Variants in MMAA observed in about 807,000 individuals in gnomAD.
MMAA encodes methylmalonic aciduria type A protein, mitochondrial.
In MMAA, 41 loss-of-function variants were observed where a neutral mutation model predicts 45.0. That is an observed-to-expected ratio of 0.91 (90% CI 0.71 to 1.18). The LOEUF (loss-of-function observed/expected upper bound fraction) is 1.18. Among genes scored for constraint, MMAA ranks in the 50% most tolerant of loss-of-function variants. The pLI is 0.00. For synonymous variants in MMAA, 154 were observed against 178.2 expected, an observed-to-expected ratio of 0.86 and a Z score of 1.08; for missense variants, 460 against 495.7, an observed-to-expected ratio of 0.93 and a Z score of 0.68.
chr4:145,643,205 C>G (rs1406659703), intron 3 of MMAA, among the ~76,000 whole-genome samples: 1 of 152,192 alleles, frequency 6.6e-6, no homozygotes, highest in East Asian at 1.9e-4. Context: ...CCTTACCCCT[C>G]TTTATGATTT....
At position 145,655,410 on chromosome 4, in the gene MMAA, A is replaced by G; in HGVS notation, c.1233A>G (p.Leu411=). The change falls in exon 7 of 7, where the codon TTA becomes TTG. Residue 411 remains leucine (L), a synonymous_variant. Coordinates refer to ENST00000649156, the MANE Select transcript of MMAA (RefSeq NM_172250.3). ...CAGGACTAGCAGCAGACTTCTTGTT[A>G]AAAGCTTTTAAAAGCAGAGACTAAT... ...LSPGLAADFL[L]KAFKSRD is the part of the protein sequence containing the mutation. 3 of 1,611,544 alleles carry G rather than the reference A, an allele frequency of 1.9e-6. No homozygotes were observed. The highest frequency in any genetic ancestry group is 1.1e-5 in the South Asian group (1 of 90,126).
intron 2 of MMAA, among the ~76,000 whole-genome samples, chr4:145,641,104 T>C (rs970009439): frequency 6.6e-6 from 1 of 152,220 alleles, no homozygotes; most frequent in Non-Finnish European, 1.5e-5. Context: ...GACTTCTTAA[T>C]CTTCTGCCCT....
chr4:145,632,997 T>G (rs1727499195), intron 1 of MMAA, among the ~76,000 whole-genome samples: 1 of 151,836 alleles, frequency 6.6e-6, no homozygotes, highest in Non-Finnish European at 1.5e-5. Flanking sequence ...TCTGTATGCC[T>G]TGGCCTCCCA....
intron 1 of MMAA, among the ~76,000 whole-genome samples, chr4:145,621,150 A>G (rs1028476060): frequency 2.0e-5 from 3 of 152,220 alleles, no homozygotes; most frequent in Non-Finnish European, 2.9e-5. Flanking sequence ...ATACTCATTT[A>G]TACTCACCAT....
chr4:145,651,315 C>G lies in MMAA; in HGVS notation c.819+168C>G, dbSNP rs72723819. ...AAAGGCAGATTCTCTATATTTTTTC[C>G]TAACTTACAGGAATAGAATATGTGT... On this transcript the variant is annotated intron_variant, in intron 5 of 6. Transcript: ENST00000649156. Among the ~76,000 whole-genome samples, 11,570 of 152,112 alleles carry G rather than the reference C, an allele frequency of 0.076. 546 individuals carry two copies. Among genetic ancestry groups the G allele is most frequent in the South Asian group, 0.15 (736 of 4,822 alleles).
chr4:145,655,663 T>G lies in MMAA; in HGVS notation c.*229T>G. On this transcript the variant is annotated 3_prime_UTR_variant, in exon 7 of 7. Coordinates refer to ENST00000649156, the MANE Select transcript of MMAA (RefSeq NM_172250.3). ...TGATATCTGTTTCCTTCTCTTCTTA[T>G]ACCCTGGCATGGTGGCCTGTAGGGT... is the stretch of plus-strand genomic sequence containing the variant. 1 of 431,970 alleles carries G rather than the reference T, an allele frequency of 2.3e-6. No individual in the cohort carries two copies. The highest frequency in any genetic ancestry group is 2.0e-5 in the African/African-American group (1 of 49,450). The allele number at this position is 431,970 out of a possible 1,614,324, so 26.8% of individuals were successfully genotyped here.
At chr4:145,648,922 G>C (rs898773194) in intron 4 of MMAA, among the ~76,000 whole-genome samples, 2 of 152,110 alleles carry the variant, frequency 1.3e-5, no homozygotes, top group African/African-American at 4.8e-5. Context: ...GGGAGTCTGA[G>C]GCTGCAGTGA....
chr4:145,626,429 G>T (rs756896949), intron 1 of MMAA, among the ~76,000 whole-genome samples: 1 of 152,082 alleles, frequency 6.6e-6, no homozygotes, highest in Non-Finnish European at 1.5e-5. Context: ...ATTATTGTCC[G>T]TGGAGCAAAA....
At chr4:145,624,258 T>G in intron 1 of MMAA, 2 of 800,564 alleles carry the variant, frequency 2.5e-6, no homozygotes, top group Non-Finnish European at 4.6e-6. Flanking sequence ...CATAATGGTC[T>G]GGGGGGAAGT....
intron 4 of MMAA, among the ~76,000 whole-genome samples, chr4:145,649,836 A>G (rs1728040976): frequency 6.6e-6 from 1 of 151,918 alleles, no homozygotes; most frequent in African/African-American, 2.4e-5. Flanking sequence ...CAGCAGTACA[A>G]TCACAGCTCA....
chr4:145,651,510 A>G (rs1442945498), intron 5 of MMAA, among the ~76,000 whole-genome samples: 1 of 152,172 alleles, frequency 6.6e-6, no homozygotes, highest in African/African-American at 2.4e-5. Flanking sequence ...ATGTTGTACA[A>G]TGAGATTCTT....
intron 5 of MMAA, 53 bp from the exon 6 acceptor site, chr4:145,653,941 C>T (rs888972294): frequency 1.3e-6 from 2 of 1,578,478 alleles, no homozygotes; most frequent in African/African-American, 2.7e-5. Flanking sequence ...TGAGCATTGA[C>T]TAGTTTTCCC....
chr4:145,639,540 A>T lies in MMAA; in HGVS notation c.401A>T (p.Glu134Val). 1 of 1,611,356 alleles carries T rather than the reference A, an allele frequency of 6.2e-7. No individual in the cohort carries two copies. Among genetic ancestry groups the T allele is most frequent in the Non-Finnish European group, 8.5e-7 (1 of 1,178,484 alleles). Residue 134 changes from glutamate (E) to valine (V), a missense_variant, in exon 2 of 7, where the codon GAA (glutamate) becomes GTA (valine). Glu to Val is a moderately radical substitution (Grantham distance 121). Transcript: ENST00000649156. ...QKVLLYHREQ[E>V]QSNKGKPLAF... ...GTATTACTTTACCACAGAGAACAAG[A>T]ACAATCAAATAAAGGAAAACCACTA...
At chr4:145,626,564 T>A (rs1734210725) in intron 1 of MMAA, among the ~76,000 whole-genome samples, 1 of 152,210 alleles carries the variant, frequency 6.6e-6, no homozygotes, top group Non-Finnish European at 1.5e-5. Flanking sequence ...AATAAAAAGA[T>A]AAATAGCCAG....
chr4:145,639,728 T>C (rs1430222537), intron 2 of MMAA, 150 bp downstream of exon 2: 1 of 1,425,092 alleles, frequency 7.0e-7, no homozygotes, highest in Admixed American at 3.0e-5. Flanking sequence ...CTGGCAAATA[T>C]TAGTTTTGTT....
At chr4:145,626,644 G>A (rs1366595507) in intron 1 of MMAA, among the ~76,000 whole-genome samples, 1 of 152,166 alleles carries the variant, frequency 6.6e-6, no homozygotes, top group Non-Finnish European at 1.5e-5. Flanking sequence ...TATAAATCTG[G>A]ATTTGTGAAA....
intron 5 of MMAA, among the ~76,000 whole-genome samples, 165 bp from the exon 6 acceptor site, chr4:145,653,829 C>G (rs1056243009): frequency 1.2e-4 from 19 of 152,186 alleles, no homozygotes; most frequent in Non-Finnish European, 1.6e-4. Context: ...TTCCAATAGC[C>G]AATGCTTTTG....
At chr4:145,633,190 C>CTTTATCTTT (rs1435430308) in intron 1 of MMAA, among the ~76,000 whole-genome samples, 8 of 106,894 alleles carry the variant, frequency 7.5e-5, no homozygotes, top group African/African-American at 1.6e-4. Flanking sequence ...TCTTGAATTT[C>CTTTATCTTT]TTTTTCTTTT....
intron 5 of MMAA, among the ~76,000 whole-genome samples, chr4:145,652,746 C>CA (rs372450541): frequency 2.0e-5 from 3 of 151,704 alleles, no homozygotes; most frequent in Non-Finnish European, 4.4e-5. Flanking sequence ...ACAACAACAA[C>CA]AAAAAAACCC....
Sources: gnomAD v4.1 joint callset for allele counts (sites outside exome capture counted in the v4.1 genomes callset) on GRCh38, gnomAD v4.1.1 for gene constraint, MANE v1.5 for transcripts, NCBI Gene and HGNC (gene_info 2026-07-23, HGNC 2026-07-21) for gene names.